The following CHST11 variants were observed in gnomAD, a reference collection of about 807,000 sequenced individuals.
CHST11 encodes C4S-1.
A neutral mutation model predicts 30.4 loss-of-function variants in CHST11; 9 were observed. The ratio of observed to expected loss-of-function variants is 0.30; its 90% CI spans 0.18 to 0.52. CHST11 has a LOEUF of 0.52. Among genes scored for constraint, CHST11 ranks in the 20% least tolerant of loss-of-function variants. CHST11 has a pLI of 0.97. For synonymous variants in CHST11, 152 were observed against 187.8 expected, an observed-to-expected ratio of 0.81 and a Z score of 1.56; for missense variants, 348 against 460.6, an observed-to-expected ratio of 0.76 and a Z score of 2.24.
In CHST11 at chr12:104,729,149, G is replaced by GA. The variant is rs2040237310; in HGVS notation, c.205-27794dup. On this transcript the variant is annotated intron_variant, in intron 2 of 2. Coordinates refer to ENST00000303694, the MANE Select transcript of CHST11 (RefSeq NM_018413.6). The surrounding 1 kb of genome is among the most constrained non-coding windows in gnomAD (Gnocchi z 4.0). ...CAGCAAGCAGGAAACAAAAGAGACA[G>GA]AAAAAACACAGAGGCCAAGATGAGC... Among the ~76,000 whole-genome samples the GA allele has an allele frequency of 6.6e-6, 1 of 152,242 alleles. No homozygotes were observed. Among genetic ancestry groups the GA allele is most frequent in the African/African-American group, 2.4e-5 (1 of 41,528 alleles).
chr12:104,586,259 G>A (rs1452426746), intron 1 of CHST11, among the ~76,000 whole-genome samples: 4 of 152,216 alleles, frequency 2.6e-5, no homozygotes, highest in Non-Finnish European at 5.9e-5. Flanking sequence ...GCAGAAGCCT[G>A]GGTAGGCTCA....
chr12:104,461,992 C>T (rs767866236), intron 1 of CHST11, among the ~76,000 whole-genome samples: 5 of 151,128 alleles, frequency 3.3e-5, no homozygotes, highest in African/African-American at 4.9e-5. Context: ...GGTGAATCCC[C>T]GTCTCTACTA....
At chr12:104,488,543 G>T (rs1205708829) in intron 1 of CHST11, among the ~76,000 whole-genome samples, 3 of 151,210 alleles carry the variant, frequency 2.0e-5, no homozygotes, top group Non-Finnish European at 4.4e-5. Context: ...ATGTGTGTAT[G>T]TGTGCGTGTA....
At chr12:104,699,943 A>G (rs1023473369) in intron 2 of CHST11, among the ~76,000 whole-genome samples, 3 of 152,136 alleles carry the variant, frequency 2.0e-5, no homozygotes, top group Non-Finnish European at 2.9e-5. Context: ...TCTTGGTTCC[A>G]CTCAAAACTA....
intron 1 of CHST11, among the ~76,000 whole-genome samples, chr12:104,507,485 T>A (rs1009737855): frequency 6.6e-6 from 1 of 152,218 alleles, no homozygotes; most frequent in African/African-American, 2.4e-5. Flanking sequence ...TCCTGTTTCT[T>A]CCCTTCTCTG....
intron 2 of CHST11, among the ~76,000 whole-genome samples, chr12:104,702,632 T>C (rs563535535): frequency 6.6e-6 from 1 of 152,260 alleles, no homozygotes; most frequent in South Asian, 2.1e-4. Flanking sequence ...TTTGTCCCAG[T>C]GGTTGAGCGA....
At chr12:104,523,437 C>A (rs1005425644) in intron 1 of CHST11, among the ~76,000 whole-genome samples, 5 of 152,174 alleles carry the variant, frequency 3.3e-5, no homozygotes, top group African/African-American at 1.2e-4. Context: ...TATAACCTGG[C>A]ACTCAACGTG....
chr12:104,468,354 G>C (rs2037477921), intron 1 of CHST11, among the ~76,000 whole-genome samples: 1 of 152,104 alleles, frequency 6.6e-6, no homozygotes. Context: ...CATGGGACTC[G>C]TATAATGTAT....
At position 104,676,548 on chromosome 12, in the gene CHST11, G is replaced by A. The variant is rs995741067; in HGVS notation, c.204+74557G>A. Among the ~76,000 whole-genome samples, 6 of 152,184 alleles carry A rather than the reference G, an allele frequency of 3.9e-5. No homozygotes were observed. The highest frequency in any genetic ancestry group is 2.1e-4 in the South Asian group (1 of 4,824). On this transcript the variant is annotated intron_variant, in intron 2 of 2. Coordinates refer to ENST00000303694, the MANE Select transcript of CHST11 (RefSeq NM_018413.6). This position sits in a 1 kb window ranked among gnomAD's most constrained non-coding sequence, Gnocchi z 4.4. Reference sequence around the variant, plus strand: ...TTCTGCCCCAGCCTCCCAAGTAGCCGGGACTGCAGACATGTGCCACCACGC... The same window carrying A: ...TTCTGCCCCAGCCTCCCAAGTAGCCAGGACTGCAGACATGTGCCACCACGC...
At position 104,691,503 on chromosome 12, in the gene CHST11, T is replaced by G. The variant is rs565616951; in HGVS notation, c.205-65446T>G. Among the ~76,000 whole-genome samples the G allele has an allele frequency of 4.2e-4, 64 of 151,690 alleles. No homozygotes were observed. The East Asian group carries it at 0.011, about 27-fold the overall frequency. On this transcript the variant is annotated intron_variant, in intron 2 of 2. Transcript: ENST00000303694. ...TTAGAGGCACAATTTTTTTTTTTTT[T>G]TTTGAGATGGAGTCTCACTCTGTCG...
At chr12:104,677,345 G>A (rs982380832) in intron 2 of CHST11, among the ~76,000 whole-genome samples, 2 of 152,176 alleles carry the variant, frequency 1.3e-5, no homozygotes, top group Non-Finnish European at 2.9e-5. Flanking sequence ...GCTAGAACTG[G>A]ACTCAGTTAG....
At chr12:104,517,618 C>G (rs1426176587) in intron 1 of CHST11, among the ~76,000 whole-genome samples, 1 of 152,096 alleles carries the variant, frequency 6.6e-6, no homozygotes, top group Admixed American at 6.6e-5. Context: ...AGGTGGGTGT[C>G]CTCTGGCCAC....
In CHST11 at chr12:104,504,604, C is replaced by T. The variant is rs188406433; in HGVS notation, c.118+47075C>T. Among the ~76,000 whole-genome samples the T allele has an allele frequency of 4.0e-5, 6 of 151,660 alleles. No individual in the cohort carries two copies. The East Asian group carries it at 5.8e-4, about 15-fold the overall frequency. On this transcript the variant is annotated intron_variant, in intron 1 of 2. Transcript: ENST00000303694. The stretch of plus-strand genomic sequence containing the variant: ...AATTTAGGGTCCCTGGGAGTGTTCT[C>T]GTCTAGTGATTCCTAAAAGCCTGTT...
intron 1 of CHST11, among the ~76,000 whole-genome samples, chr12:104,534,436 A>G (rs1171297336): frequency 1.3e-5 from 2 of 151,998 alleles, no homozygotes; most frequent in African/African-American, 4.8e-5. Context: ...TCCCAGCAAT[A>G]TTTTTCCAAG....
At chr12:104,484,459 C>A (rs1004996251) in intron 1 of CHST11, among the ~76,000 whole-genome samples, 2 of 152,132 alleles carry the variant, frequency 1.3e-5, no homozygotes, top group African/African-American at 4.8e-5. Context: ...GAGCACCTAC[C>A]CTGTGCAGAT....
At chr12:104,695,153 C>T (rs530865118) in intron 2 of CHST11, among the ~76,000 whole-genome samples, 1 of 152,302 alleles carries the variant, frequency 6.6e-6, no homozygotes, top group South Asian at 2.1e-4. Flanking sequence ...CTTTGAGCCT[C>T]AGCTGTCCCA....
chr12:104,628,237 A>G (rs2039236928), intron 2 of CHST11, among the ~76,000 whole-genome samples: 1 of 152,030 alleles, frequency 6.6e-6, no homozygotes, highest in African/African-American at 2.4e-5. Context: ...CTTAATCCCA[A>G]CGGTCCCGTT....
At chr12:104,699,830 C>T (rs2039977124) in intron 2 of CHST11, among the ~76,000 whole-genome samples, 1 of 152,192 alleles carries the variant, frequency 6.6e-6, no homozygotes, top group Admixed American at 6.5e-5. Context: ...GCTTCATCAG[C>T]AGGGGCGGGA....
chr12:104,710,752 C>T (rs192081598), intron 2 of CHST11, among the ~76,000 whole-genome samples: 1 of 152,322 alleles, frequency 6.6e-6, no homozygotes, highest in African/African-American at 2.4e-5. Context: ...TTAACCTCCC[C>T]TCTTCTATTT....
Sources: allele counts gnomAD v4.1 joint callset (sites outside exome capture counted in the v4.1 genomes callset), GRCh38; gene constraint gnomAD v4.1.1; non-coding constraint Gnocchi (gnomAD v3.1); transcripts MANE v1.5; gene names NCBI Gene and HGNC (gene_info 2026-07-23, HGNC 2026-07-21).